DNAAF4: variants seen among roughly 807,000 people sequenced by gnomAD.
The protein encoded by DNAAF4 is dynein assembly factor 4, axonemal.
In DNAAF4, 43 loss-of-function variants were observed where a neutral mutation model predicts 51.8. The ratio of observed to expected loss-of-function variants is 0.83; its 90% CI spans 0.65 to 1.07. DNAAF4 has a LOEUF of 1.07. Ranked by LOEUF, DNAAF4 falls within the 50% of genes least tolerant of loss-of-function variation. The pLI, the probability that DNAAF4 is intolerant of heterozygous loss-of-function variation, is 0.00. For missense variants in DNAAF4, 581 were observed against 493.0 expected (o/e 1.18, Z -1.69); for synonymous variants, 194 against 165.6 (o/e 1.17, Z -1.32).
intron 4 of DNAAF4, among the ~76,000 whole-genome samples, chr15:55,483,590 G>A (rs2058441052): frequency 6.6e-6 from 1 of 151,710 alleles, no homozygotes; most frequent in African/African-American, 2.4e-5. Context: ...GCCCAGGCTG[G>A]AATACAGTGG....
In DNAAF4 at chr15:55,470,847, A is replaced by ATTT. The variant is rs1169756178; in HGVS notation, c.406-3689_406-3687dup. Among the ~76,000 whole-genome samples the ATTT allele has an allele frequency of 6.8e-3, 669 of 98,980 alleles. 20 individuals carry two copies. The highest frequency in any genetic ancestry group is 0.01 in the Non-Finnish European group (546 of 54,028). The allele number at this position is 98,980 out of a possible 152,430, so 64.9% of individuals were successfully genotyped here. On this transcript the variant is annotated intron_variant, in intron 4 of 9. Transcript: ENST00000321149. Reference sequence around the variant, plus strand: ...AGACATGAGCTACTATGCCTGGCGGATTTTTTTTTTTTTTTTTTTTTTGAG... The same window carrying ATTT: ...AGACATGAGCTACTATGCCTGGCGGATTTTTTTTTTTTTTTTTTTTTTTTTGAG...
chr15:55,483,833 CTTTTTTTTTT>C (rs71105887), intron 4 of DNAAF4, among the ~76,000 whole-genome samples: 1,053 of 82,498 alleles, frequency 0.013, 60 homozygotes, highest in African/African-American at 0.035. Flanking sequence ...GCCAATAAAG[CTTTTTTTTTT>C]TTTTTTTTTT....
rs1314873144 is a variant in DNAAF4 at position 55,498,356 on chromosome 15, C to T, written c.-27G>A. The stretch of plus-strand genomic sequence containing the variant: ...CCGGTAGCAACGGGAGCGGATAGCG[C>T]GGCTGGTTGCTTCTTGCGCCTGCTT... On this transcript the variant is annotated 5_prime_UTR_variant, in exon 2 of 10. Transcript: ENST00000321149. 1 of 1,589,846 alleles carries T rather than the reference C, an allele frequency of 6.3e-7. No individual in the cohort carries two copies. Among genetic ancestry groups the T allele is most frequent in the Non-Finnish European group, 8.6e-7 (1 of 1,164,472 alleles).
intron 4 of DNAAF4, among the ~76,000 whole-genome samples, chr15:55,486,239 G>A (rs1003416923): frequency 2.0e-5 from 3 of 151,004 alleles, no homozygotes; most frequent in African/African-American, 7.3e-5. Context: ...TGTTACCCAG[G>A]CGGGAGTGCA....
chr15:55,498,350 A>G lies in DNAAF4; in HGVS notation c.-21T>C. ...GGCATTCCGGTAGCAACGGGAGCGG[A>G]TAGCGCGGCTGGTTGCTTCTTGCGC... On this transcript the variant is annotated 5_prime_UTR_variant, in exon 2 of 10. Coordinates refer to ENST00000321149, the MANE Select transcript of DNAAF4 (RefSeq NM_130810.4). 6.3e-7 allele frequency: 1 copy of G among 1,593,826 alleles called. No individual in the cohort carries two copies. Among genetic ancestry groups the G allele is most frequent in the South Asian group, 1.1e-5 (1 of 89,612 alleles).
chr15:55,507,927 A>G (rs1486164187), intron 1 of DNAAF4, among the ~76,000 whole-genome samples, 195 bp downstream of exon 1: 1 of 152,168 alleles, frequency 6.6e-6, no homozygotes, highest in Non-Finnish European at 1.5e-5. Context: ...CACCACCAGC[A>G]ATATTACCAT....
chr15:55,502,544 T>G (rs984103493), intron 1 of DNAAF4, among the ~76,000 whole-genome samples: 2 of 152,128 alleles, frequency 1.3e-5, no homozygotes, highest in Non-Finnish European at 2.9e-5. Context: ...AATTTGTATG[T>G]TTTTTGTATT....
chr15:55,427,397 G>C (rs1444574489), downstream of DNAAF4, among the ~76,000 whole-genome samples: 3 of 151,990 alleles, frequency 2.0e-5, no homozygotes, highest in African/African-American at 7.2e-5. Flanking sequence ...CAACTTGGTG[G>C]GTGAGGTGAA....
At chr15:55,427,116 G>A (rs1025238376), downstream of DNAAF4, among the ~76,000 whole-genome samples, 2 of 152,128 alleles carry the variant, frequency 1.3e-5, no homozygotes, top group Non-Finnish European at 2.9e-5. Flanking sequence ...GCCCAGGCTG[G>A]AGTGCAGTGG....
rs547627050 is a variant in DNAAF4, at chr15:55,446,696, G to A, written c.783+3526C>T. Among the ~76,000 whole-genome samples, 256 of 149,730 alleles carry A rather than the reference G, an allele frequency of 1.7e-3. 1 individual carries two copies. The highest frequency in any genetic ancestry group is 3.2e-3 in the Non-Finnish European group (214 of 67,392). On this transcript the variant is annotated intron_variant, in intron 6 of 9. Coordinates refer to ENST00000321149, the MANE Select transcript of DNAAF4 (RefSeq NM_130810.4). ...CTCACATCCCAGACGGGGTGGCCGG[G>A]CAGAGGCGCTCCTCACTTCCTAGAC...
chr15:55,447,829 CAGAGGGGAGAGGGGAGAGGGCAGAGGGG>C (rs1165896675), intron 6 of DNAAF4, among the ~76,000 whole-genome samples: 4,303 of 36,900 alleles, frequency 0.12, 264 homozygotes, highest in East Asian at 0.21. Context: ...GGGGAGAGGG[CAGAGGGGAGAGGGGAGAGGGCAGAGGGG>C]AGAGGGGAGA....
At position 55,498,593 on chromosome 15, in the gene DNAAF4, GAAA is replaced by G. The variant is rs3049057; in HGVS notation, c.-255-12_-255-10del. The stretch of plus-strand genomic sequence containing the variant: ...AAGTAGACCCATACCCTCTGCTTGA[GAAA>G]AAAAAAAAAAAAAAAAAGCACTCTG... On this transcript the variant is annotated splice_polypyrimidine_tract_variant and intron_variant, in intron 1 of 9. Transcript: ENST00000321149. 0.055 allele frequency: 4,071 copies of G among 74,638 alleles called. 301 individuals carry two copies. Among genetic ancestry groups the G allele is most frequent in the African/African-American group, 0.22 (3,772 of 17,160 alleles). 4.6% of individuals were successfully genotyped at this position (74,638 alleles called of 1,614,324 possible).
intron 5 of DNAAF4, among the ~76,000 whole-genome samples, chr15:55,462,399 G>A (rs1686846676): frequency 6.6e-6 from 1 of 151,924 alleles, no homozygotes; most frequent in Admixed American, 6.6e-5. Flanking sequence ...ACCACGTTGG[G>A]CAGGCTGGTC....
intron 7 of DNAAF4, chr15:55,418,719 G>T (rs1462002174): frequency 9.0e-6 from 5 of 558,206 alleles, no homozygotes; most frequent in Non-Finnish European, 1.5e-5. Context: ...ATAACTACAT[G>T]ACAGTGACTT....
At chr15:55,443,086 A>G (rs186671687) in intron 6 of DNAAF4, 8 of 1,610,740 alleles carry the variant, frequency 5.0e-6, no homozygotes, top group Non-Finnish European at 6.8e-6. Context: ...ATGGGTTTTA[A>G]AGTCTTGAAT....
chr15:55,451,655 C>T (rs1424195652), intron 5 of DNAAF4, among the ~76,000 whole-genome samples: 7 of 151,436 alleles, frequency 4.6e-5, no homozygotes, highest in African/African-American at 7.3e-5. Flanking sequence ...TTACCGTCAC[C>T]GAGGCTGGAG....
intron 6 of DNAAF4, among the ~76,000 whole-genome samples, chr15:55,443,936 G>A (rs1181603379): frequency 6.6e-6 from 1 of 152,078 alleles, no homozygotes; most frequent in Non-Finnish European, 1.5e-5. Flanking sequence ...GTAGATTCTG[G>A]ATATTAGCCC....
At chr15:55,438,106 C>T (rs981781620) in intron 7 of DNAAF4, among the ~76,000 whole-genome samples, 5 of 152,150 alleles carry the variant, frequency 3.3e-5, no homozygotes, top group African/African-American at 1.2e-4. Flanking sequence ...TGCAGTGGCT[C>T]ACACCCGTAA....
At chr15:55,476,750 CA>C (rs761629285) in intron 4 of DNAAF4, among the ~76,000 whole-genome samples, 4 of 152,008 alleles carry the variant, frequency 2.6e-5, no homozygotes, top group Admixed American at 1.3e-4. Context: ...TAAAATAAGT[CA>C]TTTTTTTTTA....
Sources: allele counts gnomAD v4.1 joint callset (sites outside exome capture counted in the v4.1 genomes callset), GRCh38; gene constraint gnomAD v4.1.1; transcripts MANE v1.5; gene names NCBI Gene and HGNC (gene_info 2026-07-23, HGNC 2026-07-21).